The following DRC4 variants were observed in gnomAD, a reference collection of about 807,000 sequenced individuals.
DRC4 encodes the protein dynein regulatory complex subunit 4.
the DRC4 span, chr16:90,027,951 A>C: frequency 7.4e-6 from 4 of 541,234 alleles, no homozygotes; most frequent in South Asian, 7.6e-5. Context: ...GGGTGGTAGG[A>C]GTGTGGAAGG....
chr16:90,025,649 CAAAAAAAAAAA>C, the DRC4 span, among the ~76,000 whole-genome samples: 1 of 45,928 alleles, frequency 2.2e-5, no homozygotes, highest in African/African-American at 9.7e-5. Context: ...GACTCTGTCT[CAAAAAAAAAAA>C]AAAAAAAAAA....
the DRC4 span, among the ~76,000 whole-genome samples, chr16:90,034,818 G>A: frequency 6.7e-6 from 1 of 148,478 alleles, no homozygotes; most frequent in South Asian, 2.1e-4. Context: ...CGAACTTCTA[G>A]TCTCAAGTGA....
chr16:90,043,028 C>T, the DRC4 span: 3 of 693,962 alleles, frequency 4.3e-6, no homozygotes, highest in Non-Finnish European at 4.7e-6. Flanking sequence ...TGAGCCAACG[C>T]AGTGAAGGTG....
chr16:90,023,790 C>G, the DRC4 span, among the ~76,000 whole-genome samples: 2 of 150,672 alleles, frequency 1.3e-5, no homozygotes, highest in Non-Finnish European at 3.0e-5. Flanking sequence ...TCAGGAGATC[C>G]AGACCATCCT....
the DRC4 span, among the ~76,000 whole-genome samples, chr16:90,035,095 G>A: frequency 2.0e-5 from 3 of 151,924 alleles, no homozygotes; most frequent in Non-Finnish European, 4.4e-5. Flanking sequence ...TAGAGACGGG[G>A]TTTCTCCATG....
the DRC4 span, among the ~76,000 whole-genome samples, chr16:90,039,503 G>A: frequency 6.6e-6 from 1 of 151,424 alleles, no homozygotes; most frequent in Non-Finnish European, 1.5e-5. Context: ...CTCCTGCCTC[G>A]GCCTCCCGAG....
At chr16:90,037,506 CG>C in the DRC4 span, 1 of 1,264,884 alleles carries the variant, frequency 7.9e-7, no homozygotes, top group East Asian at 2.5e-5. Context: ...GGAAGGGAGA[CG>C]GGGAGGCCTG....
the DRC4 span, chr16:90,027,730 G>T: frequency 6.2e-7 from 1 of 1,614,040 alleles, no homozygotes. Context: ...CAGGTGAGCA[G>T]AGCGGGCTGT....
At chr16:90,032,383 C>G in the DRC4 span, among the ~76,000 whole-genome samples, 2 of 145,744 alleles carry the variant, frequency 1.4e-5, no homozygotes, top group Non-Finnish European at 3.0e-5. Context: ...CAGGTGTGTA[C>G]GGGTACGGAC....
chr16:90,027,937 A>C, the DRC4 span: 1 of 571,032 alleles, frequency 1.8e-6, no homozygotes, highest in East Asian at 2.9e-5. Context: ...AGAGCTTTGT[A>C]ACAGGGTGGT....
At chr16:90,039,309 T>A in the DRC4 span, among the ~76,000 whole-genome samples, 1 of 152,234 alleles carries the variant, frequency 6.6e-6, no homozygotes, top group Non-Finnish European at 1.5e-5. Flanking sequence ...TGTCTCTTCC[T>A]AGAGAACCGA....
chr16:90,021,568 G>A, the DRC4 span, among the ~76,000 whole-genome samples: 1 of 151,998 alleles, frequency 6.6e-6, no homozygotes. Context: ...TTTTTAAGAA[G>A]ATGTTAAAGA....
chr16:90,024,726 T>G, the DRC4 span, among the ~76,000 whole-genome samples: 1 of 152,042 alleles, frequency 6.6e-6, no homozygotes, highest in African/African-American at 2.4e-5. Flanking sequence ...TTTAATTTCT[T>G]TTAATTCCTG....
the DRC4 span, among the ~76,000 whole-genome samples, chr16:90,041,010 T>C: frequency 2.6e-5 from 4 of 152,030 alleles, no homozygotes; most frequent in Admixed American, 2.0e-4. Context: ...TGAAAACTCA[T>C]CTTTGTTTGC....
the DRC4 span, chr16:90,022,337 G>C: frequency 2.5e-5 from 5 of 200,756 alleles, no homozygotes; most frequent in Non-Finnish European, 5.0e-5. Flanking sequence ...CAGAGGCTTG[G>C]GTGGCTGATT....
the DRC4 span, among the ~76,000 whole-genome samples, chr16:90,041,803 A>G: frequency 1.3e-5 from 2 of 152,134 alleles, no homozygotes; most frequent in African/African-American, 4.8e-5. Flanking sequence ...CATCTCAGAA[A>G]AAAAAGTGAG....
the DRC4 span, chr16:90,029,253 A>G: frequency 7.3e-7 from 1 of 1,365,556 alleles, no homozygotes; most frequent in Non-Finnish European, 9.8e-7. Flanking sequence ...GTTGAGCCAC[A>G]GACTCAGAAG....
the DRC4 span, among the ~76,000 whole-genome samples, chr16:90,028,266 G>C: frequency 2.2e-5 from 3 of 136,432 alleles, no homozygotes; most frequent in African/African-American, 8.3e-5. Context: ...CTCACTGTGA[G>C]CTCCACCTCC....
chr16:90,033,647 C>CA, the DRC4 span, among the ~76,000 whole-genome samples: 1 of 152,114 alleles, frequency 6.6e-6, no homozygotes, highest in African/African-American at 2.4e-5. Context: ...GCCTAGGTGA[C>CA]AGAGTGAGAC....
Sources: gnomAD v4.1 joint callset for allele counts (sites outside exome capture counted in the v4.1 genomes callset) on GRCh38, gnomAD v4.1.1 for gene constraint, MANE v1.5 for transcripts, NCBI Gene and HGNC (gene_info 2026-07-23, HGNC 2026-07-21) for gene names.